The following GALNT2 variants were observed in gnomAD, a reference collection of about 807,000 sequenced individuals.
GALNT2 encodes the protein UDP-GalNAc:polypeptide N-acetylgalactosaminyltransferase 2.
In GALNT2, 31 loss-of-function variants were observed where a neutral mutation model predicts 81.4. The observed-to-expected ratio is 0.38, with a 90% confidence interval of 0.29 to 0.51. The LOEUF (loss-of-function observed/expected upper bound fraction) is 0.51. Ranked by LOEUF, GALNT2 falls within the 20% of genes least tolerant of loss-of-function variation. The probability of loss-of-function intolerance (pLI) is 0.87; values close to 1 mark genes in which losing one functional copy is unlikely to be tolerated. For synonymous variants in GALNT2, 303 were observed against 287.4 expected, an observed-to-expected ratio of 1.05 and a Z score of -0.55; for missense variants, 629 against 765.7, an observed-to-expected ratio of 0.82 and a Z score of 2.11.
At chr1:230,251,797 T>C (rs1050369217) in intron 10 of GALNT2, among the ~76,000 whole-genome samples, 2 of 152,184 alleles carry the variant, frequency 1.3e-5, no homozygotes, top group Non-Finnish European at 2.9e-5. Flanking sequence ...TTCAGAAGTT[T>C]GCATACTATT....
chr1:230,253,424 C>A (rs895160358), intron 10 of GALNT2, among the ~76,000 whole-genome samples: 4 of 152,134 alleles, frequency 2.6e-5, no homozygotes, highest in African/African-American at 9.7e-5. Flanking sequence ...TGACTGCCTG[C>A]AGGATTTGCC....
At chr1:230,195,791 G>T (rs77166026) in intron 2 of GALNT2, among the ~76,000 whole-genome samples, 2 of 151,936 alleles carry the variant, frequency 1.3e-5, no homozygotes, top group Admixed American at 1.3e-4. Context: ...AGGAGGGAGC[G>T]CTGGGGAGGC....
Position 230,243,219 on chromosome 1 carries a change from G to T in GALNT2, c.608-87G>T. On this transcript the variant is annotated intron_variant, in intron 6 of 15. Transcript: ENST00000366672. This position sits in a 1 kb window ranked among gnomAD's most constrained non-coding sequence, Gnocchi z 4.2. ...CCCAGAAAGCAGGCTGCAGAGCTGCGGGCAGGGAGGCGTCGCCGGTTGGCA... is the reference window on the plus strand; with the variant it reads ...CCCAGAAAGCAGGCTGCAGAGCTGCTGGCAGGGAGGCGTCGCCGGTTGGCA... 6.8e-7 allele frequency: 1 copy of T among 1,476,350 alleles called. No individual in the cohort carries two copies. The highest frequency in any genetic ancestry group is 1.4e-5 in the South Asian group (1 of 71,268). 91.5% of individuals were successfully genotyped at this position (1,476,350 alleles called of 1,614,324 possible).
intron 3 of GALNT2, among the ~76,000 whole-genome samples, chr1:230,204,925 G>T (rs1265565973): frequency 6.6e-6 from 1 of 152,172 alleles, no homozygotes; most frequent in Non-Finnish European, 1.5e-5. Flanking sequence ...AGCTCCATGG[G>T]TTGGGCAGTC....
intron 1 of GALNT2, among the ~76,000 whole-genome samples, chr1:230,129,125 G>A (rs988694031): frequency 6.6e-6 from 1 of 152,214 alleles, no homozygotes; most frequent in African/African-American, 2.4e-5. Context: ...CTGTTCGTTT[G>A]TAGTCTGTTT....
chr1:230,174,320 C>G (rs1342456470), intron 1 of GALNT2, among the ~76,000 whole-genome samples: 1 of 152,194 alleles, frequency 6.6e-6, no homozygotes, highest in Non-Finnish European at 1.5e-5. Context: ...CTCCCCTGCA[C>G]TGACACCTCA....
chr1:230,071,457 C>T (rs1659372707), intron 1 of GALNT2, among the ~76,000 whole-genome samples: 1 of 152,118 alleles, frequency 6.6e-6, no homozygotes, highest in South Asian at 2.1e-4. Flanking sequence ...ACAGACGTGT[C>T]CCTGAACGAG....
chr1:230,230,022 A>C (rs1266027756), intron 3 of GALNT2, among the ~76,000 whole-genome samples: 1 of 152,170 alleles, frequency 6.6e-6, no homozygotes, highest in Non-Finnish European at 1.5e-5. Context: ...AAAGGCCAGT[A>C]TTGCAAGATA....
Position 230,257,084 on chromosome 1 carries a change from G to A in GALNT2, c.1136+1740G>A, listed in dbSNP as rs1665737139. On this transcript the variant is annotated intron_variant, in intron 11 of 15. Transcript: ENST00000366672. This position sits in a 1 kb window ranked among gnomAD's most constrained non-coding sequence, Gnocchi z 4.6. ...GTAGCTGGAACCTAGAGAGTAAGGG[G>A]ACAGTGCACAGGGGCAGAAGAGCTA... 6.6e-6 allele frequency among the ~76,000 whole-genome samples: 1 copy of A among 152,254 alleles called. No individual in the cohort carries two copies. Among genetic ancestry groups the A allele is most frequent in the Admixed American group, 6.5e-5 (1 of 15,290 alleles).
At chr1:230,242,960 G>A (rs1006027584) in intron 6 of GALNT2, among the ~76,000 whole-genome samples, 1 of 152,164 alleles carries the variant, frequency 6.6e-6, no homozygotes, top group Non-Finnish European at 1.5e-5. Context: ...CCTTAGCCCA[G>A]TTAGTTAGAA....
At chr1:230,146,778 G>T (rs1259891484) in intron 1 of GALNT2, among the ~76,000 whole-genome samples, 2 of 152,196 alleles carry the variant, frequency 1.3e-5, no homozygotes, top group Non-Finnish European at 2.9e-5. Context: ...AAGTGAAATG[G>T]CATGCCAGGG....
At chr1:230,170,834 T>A (rs1367822432) in intron 1 of GALNT2, among the ~76,000 whole-genome samples, 1 of 152,078 alleles carries the variant, frequency 6.6e-6, no homozygotes, top group African/African-American at 2.4e-5. Context: ...TCCTTTACCA[T>A]GGGGAGAGCA....
intron 1 of GALNT2, among the ~76,000 whole-genome samples, chr1:230,125,907 T>G (rs1003983334): frequency 3.3e-5 from 5 of 152,242 alleles, no homozygotes; most frequent in African/African-American, 9.6e-5. Context: ...TCTCCTGTCT[T>G]TCTTTTCCTC....
intron 2 of GALNT2, among the ~76,000 whole-genome samples, chr1:230,187,857 GCT>G (rs1177639733): frequency 1.4e-4 from 21 of 151,804 alleles, no homozygotes; most frequent in African/African-American, 4.1e-4. Context: ...CTGAAATCAA[GCT>G]GATTCTCTCC....
intron 1 of GALNT2, among the ~76,000 whole-genome samples, chr1:230,159,160 CG>C (rs759216426): frequency 4.2e-4 from 64 of 152,302 alleles, no homozygotes; most frequent in Non-Finnish European, 7.9e-4. Flanking sequence ...TGGGAAAGGA[CG>C]CTGTACCCCT....
chr1:230,139,714 G>A lies in GALNT2; in HGVS notation c.127-38504G>A, dbSNP rs116772860. 2.5e-3 allele frequency among the ~76,000 whole-genome samples: 374 copies of A among 152,358 alleles called. 5 individuals carry two copies. The highest frequency in any genetic ancestry group is 7.0e-3 in the African/African-American group (293 of 41,574). ...GGAAAATACAAGCAAAGCACTGCGAGCGTAATAATTTGCCGTTGCATGGAC... is the reference window on the plus strand; with the variant it reads ...GGAAAATACAAGCAAAGCACTGCGAACGTAATAATTTGCCGTTGCATGGAC... On this transcript the variant is annotated intron_variant, in intron 1 of 15. Coordinates refer to ENST00000366672, the MANE Select transcript of GALNT2 (RefSeq NM_004481.5).
intron 1 of GALNT2, among the ~76,000 whole-genome samples, chr1:230,071,105 T>C (rs1270826036): frequency 1.3e-5 from 2 of 152,146 alleles, no homozygotes; most frequent in African/African-American, 4.8e-5. Flanking sequence ...AATGAAAAAA[T>C]AAAAGCCTAA....
intron 3 of GALNT2, among the ~76,000 whole-genome samples, chr1:230,227,522 ATATAATACAGC>A (rs1664750792): frequency 6.7e-6 from 1 of 148,760 alleles, no homozygotes; most frequent in African/African-American, 2.5e-5. Context: ...TATATATGCT[ATATAATACAGC>A]TATATATATA....
intron 1 of GALNT2, among the ~76,000 whole-genome samples, chr1:230,124,999 A>G (rs1400796549): frequency 2.0e-5 from 3 of 152,184 alleles, no homozygotes; most frequent in Non-Finnish European, 4.4e-5. Context: ...TCCACCAAAC[A>G]GCCTACACTC....
Sources: gnomAD v4.1 joint callset for allele counts (sites outside exome capture counted in the v4.1 genomes callset) on GRCh38, gnomAD v4.1.1 for gene constraint, Gnocchi (gnomAD v3.1) non-coding constraint, MANE v1.5 for transcripts, NCBI Gene and HGNC (gene_info 2026-07-23, HGNC 2026-07-21) for gene names.